The following TUBGCP5 variants were observed in gnomAD, a reference collection of about 807,000 sequenced individuals.
TUBGCP5 encodes the protein gamma-tubulin complex component 5.
Under a neutral mutation model 134.7 loss-of-function variants are expected in TUBGCP5, and 98 were observed. The ratio of observed to expected loss-of-function variants is 0.73; its 90% CI spans 0.62 to 0.86. The LOEUF is 0.86. Among genes scored for constraint, TUBGCP5 ranks in the 40% least tolerant of loss-of-function variants. TUBGCP5 has a pLI of 0.00. For missense variants in TUBGCP5, 1,150 were observed against 1,244.8 expected (o/e 0.92, Z 1.15); for synonymous variants, 456 against 431.4 (o/e 1.06, Z -0.71).
At chr15:23,020,936 C>A (rs2065651607) in intron 11 of TUBGCP5, among the ~76,000 whole-genome samples, 1 of 152,088 alleles carries the variant, frequency 6.6e-6, no homozygotes, top group South Asian at 2.1e-4. Flanking sequence ...GCTCTGTTGC[C>A]CAGGCTGGAG....
Position 23,006,053 on chromosome 15 carries a change from A to G in TUBGCP5, c.2532T>C (p.Gly844=). The part of the protein sequence containing the change: ...AKYSLDVLLF[G]ELVSTAEKPR... ...TTATCTGCTGAAAACAAATCTTACC[A>G]CCAAAAAGTAAAACATCCAGACTAT... is the stretch of plus-strand genomic sequence containing the variant. The change falls in exon 18 of 23, where the codon GGT becomes GGC. Residue 844 remains glycine (G), a splice_region_variant and synonymous_variant. Coordinates refer to ENST00000615383, the MANE Select transcript of TUBGCP5 (RefSeq NM_052903.6). 2 of 1,591,334 alleles carry G rather than the reference A, an allele frequency of 1.3e-6. No individual in the cohort carries two copies. The highest frequency in any genetic ancestry group is 1.7e-6 in the Non-Finnish European group (2 of 1,174,618).
chr15:22,991,465 A>G (rs1415205593), intron 23 of TUBGCP5, among the ~76,000 whole-genome samples: 1 of 152,202 alleles, frequency 6.6e-6, no homozygotes, highest in East Asian at 1.9e-4. Flanking sequence ...GGAGCTGGCT[A>G]AGCTGACCCA....
rs564148291 is a variant in TUBGCP5, at chr15:23,017,955, T to C, written c.1574A>G (p.Glu525Gly). The change falls in exon 13 of 23, where the codon GAA becomes GGA. Residue 525 changes from glutamate (E) to glycine (G), a missense_variant. By Grantham distance (98) the Glu-to-Gly change is moderately conservative. Transcript: ENST00000615383. ...YSVSEKTENE[E>G]KMSDNASASS... Reference sequence around the variant, plus strand: ...CGCACTAGCGTTATCACTCATTTTTTCTTCATTTTCTGTCTTTTCTGATAC... The same window carrying C: ...CGCACTAGCGTTATCACTCATTTTTCCTTCATTTTCTGTCTTTTCTGATAC... The C allele has an allele frequency of 6.2e-7, 1 of 1,614,234 alleles. No homozygotes were observed. Among genetic ancestry groups the C allele is most frequent in the Non-Finnish European group, 8.5e-7 (1 of 1,180,030 alleles).
chr15:23,030,840 G>A (rs202129486), intron 6 of TUBGCP5, 45 bp downstream of exon 6: 1 of 1,596,568 alleles, frequency 6.3e-7, no homozygotes, highest in Non-Finnish European at 8.5e-7. Flanking sequence ...TCCTTCTAGG[G>A]AATTTGTCTA....
intron 23 of TUBGCP5, among the ~76,000 whole-genome samples, chr15:22,992,461 G>C (rs1190684661): frequency 6.6e-6 from 1 of 152,096 alleles, no homozygotes; most frequent in East Asian, 1.9e-4. Flanking sequence ...AGGTATGGGT[G>C]TATGGGTAAT....
intron 14 of TUBGCP5, 51 bp downstream of exon 14, chr15:23,011,082 T>G (rs2065006409): frequency 1.3e-6 from 2 of 1,579,062 alleles, no homozygotes; most frequent in Non-Finnish European, 1.7e-6. Flanking sequence ...TAGCAAACAT[T>G]GCACAAATGA....
At chr15:23,000,116 G>A (rs1366712156) in intron 22 of TUBGCP5, among the ~76,000 whole-genome samples, 1 of 151,934 alleles carries the variant, frequency 6.6e-6, no homozygotes, top group East Asian at 1.9e-4. Flanking sequence ...TTGCCATGTA[G>A]GCCAGGCTGG....
At chr15:22,996,282 G>A (rs1437215379), downstream of TUBGCP5, among the ~76,000 whole-genome samples, 1 of 152,052 alleles carries the variant, frequency 6.6e-6, no homozygotes, top group African/African-American at 2.4e-5. Flanking sequence ...AGCCATGCCA[G>A]AGGCTGTGGT....
rs1404596474 is a variant in TUBGCP5, at chr15:23,031,000, T to C, written c.507A>G (p.Glu169=). The part of the protein sequence containing the change: ...MDTPNWSEES[E]EENDQQPLSR... ...TTAAGGGCTGTTGATCATTTTCCTCTTCACTTTCTTCAGACCAATTCTGAT... is the reference window on the plus strand; with the variant it reads ...TTAAGGGCTGTTGATCATTTTCCTCCTCACTTTCTTCAGACCAATTCTGAT... Residue 169 remains glutamate (E), a synonymous_variant, in exon 6 of 23, where the codon GAA becomes GAG. Transcript: ENST00000615383. The C allele has an allele frequency of 6.2e-7, 1 of 1,612,910 alleles. No individual in the cohort carries two copies.
At chr15:22,988,937 T>C (rs2063768487) in intron 23 of TUBGCP5, among the ~76,000 whole-genome samples, 1 of 151,806 alleles carries the variant, frequency 6.6e-6, no homozygotes, top group Non-Finnish European at 1.5e-5. Flanking sequence ...TTTCTCCATA[T>C]TGGTGTAGAG....
At chr15:22,993,379 T>C (rs1391615229) in intron 23 of TUBGCP5, among the ~76,000 whole-genome samples, 2 of 150,518 alleles carry the variant, frequency 1.3e-5, no homozygotes, top group African/African-American at 4.9e-5. Flanking sequence ...ATTACAGGTG[T>C]GAGCCACCGC....
chr15:23,013,413 T>C lies in TUBGCP5; in HGVS notation c.1757-2082A>G, dbSNP rs919639896. Among the ~76,000 whole-genome samples, 2 of 151,704 alleles carry C rather than the reference T, an allele frequency of 1.3e-5. No homozygotes were observed. Among genetic ancestry groups the C allele is most frequent in the Non-Finnish European group, 2.9e-5 (2 of 67,932 alleles). Reference sequence around the variant, plus strand: ...GTGAGCCGAGATCGCGCCGCTGCACTCCAGCCTGGGCGACAGGGAAAGACT... The same window carrying C: ...GTGAGCCGAGATCGCGCCGCTGCACCCCAGCCTGGGCGACAGGGAAAGACT... On this transcript the variant is annotated intron_variant, in intron 13 of 22. Coordinates refer to ENST00000615383, the MANE Select transcript of TUBGCP5 (RefSeq NM_052903.6). This position sits in a 1 kb window ranked among gnomAD's most constrained non-coding sequence, Gnocchi z 4.5.
chr15:23,029,791 G>T (rs1405070609), intron 6 of TUBGCP5, among the ~76,000 whole-genome samples: 2 of 151,684 alleles, frequency 1.3e-5, no homozygotes, highest in African/African-American at 4.8e-5. Context: ...TGAGGCAGGA[G>T]AATTGTTTGA....
In TUBGCP5 at chr15:23,037,013, A is replaced by G; in HGVS notation, c.201-8T>C. ...ACAAATTTTTCATAAATTCTAAAAT[A>G]TAAGAAAAGATTATAAAGCTATCTT... On this transcript the variant is annotated splice_polypyrimidine_tract_variant and splice_region_variant and intron_variant, in intron 2 of 22. Coordinates refer to ENST00000615383, the MANE Select transcript of TUBGCP5 (RefSeq NM_052903.6). The G allele has an allele frequency of 6.3e-7, 1 of 1,594,194 alleles. No individual in the cohort carries two copies. The highest frequency in any genetic ancestry group is 8.5e-7 in the Non-Finnish European group (1 of 1,170,292).
chr15:23,001,996 C>T (rs1014874643), intron 21 of TUBGCP5, among the ~76,000 whole-genome samples: 2 of 152,040 alleles, frequency 1.3e-5, no homozygotes, highest in Non-Finnish European at 2.9e-5. Context: ...TTAACTTATC[C>T]ATAAACTGCG....
rs578234512 is a variant in TUBGCP5 at position 23,038,875 on chromosome 15, G to C, written c.146+523C>G. 2.0e-5 allele frequency among the ~76,000 whole-genome samples: 3 copies of C among 152,264 alleles called. No individual in the cohort carries two copies. The East Asian group carries it at 5.8e-4, about 29-fold the overall frequency. On this transcript the variant is annotated intron_variant, in intron 1 of 22. Coordinates refer to ENST00000615383, the MANE Select transcript of TUBGCP5 (RefSeq NM_052903.6). ...TGCTACGTGCCAGGAGCTGTGCAGA[G>C]ATGCAGCATTCTAGCTGGAGTGGAA...
chr15:23,016,969 G>GATATGTATGTATATATATATAT (rs1555439436), intron 13 of TUBGCP5, among the ~76,000 whole-genome samples: 1 of 109,394 alleles, frequency 9.1e-6, no homozygotes, highest in African/African-American at 3.6e-5. Flanking sequence ...AAAATTGTGA[G>GATATGTATGTATATATATATAT]ATATATATAT....
chr15:23,014,617 G>A (rs2065213729), intron 13 of TUBGCP5, among the ~76,000 whole-genome samples: 3 of 152,254 alleles, frequency 2.0e-5, no homozygotes, highest in South Asian at 2.1e-4. Context: ...TACCTAGGAC[G>A]GCCAACAAGC....
intron 3 of TUBGCP5, among the ~76,000 whole-genome samples, chr15:23,035,421 C>T (rs573617961): frequency 1.3e-5 from 2 of 151,290 alleles, no homozygotes; most frequent in East Asian, 4.0e-4. Flanking sequence ...TTGTGGAAGA[C>T]AATTTTTCCA....
Sources: allele counts gnomAD v4.1 joint callset (sites outside exome capture counted in the v4.1 genomes callset), GRCh38; gene constraint gnomAD v4.1.1; non-coding constraint Gnocchi (gnomAD v3.1); transcripts MANE v1.5; gene names NCBI Gene and HGNC (gene_info 2026-07-23, HGNC 2026-07-21).